SUSD1: variants seen among roughly 807,000 people sequenced by gnomAD.
SUSD1 encodes the protein sushi domain containing 1.
SUSD1 carries 65 observed loss-of-function variants against 86.9 expected under a neutral mutation model. The ratio of observed to expected loss-of-function variants is 0.75; its 90% CI spans 0.61 to 0.92. The LOEUF (loss-of-function observed/expected upper bound fraction) is 0.92, where lower values mean the gene tolerates loss of function less well. Among genes scored for constraint, SUSD1 ranks in the 40% least tolerant of loss-of-function variants. SUSD1 has a pLI of 0.00. For synonymous variants in SUSD1, 346 were observed against 350.0 expected (o/e 0.99, Z 0.13); for missense variants, 850 against 929.7 (o/e 0.91, Z 1.11).
intron 16 of SUSD1, 133 bp from the exon 17 acceptor site, chr9:112,041,625 C>A: frequency 1.4e-6 from 1 of 722,084 alleles, no homozygotes; most frequent in Non-Finnish European, 2.6e-6. Context: ...AGCTCAGCCA[C>A]CCCTCTGTGT....
At chr9:112,061,043 G>T (rs141039731) in intron 13 of SUSD1, among the ~76,000 whole-genome samples, 3 of 152,118 alleles carry the variant, frequency 2.0e-5, no homozygotes, top group African/African-American at 4.8e-5. Context: ...CTACTGAATC[G>T]AAATCTCTAG....
In SUSD1 at chr9:112,175,037, C is replaced by G. The variant is rs1210804459; in HGVS notation, c.103+96G>C. On this transcript the variant is annotated intron_variant, in intron 1 of 16. Coordinates refer to ENST00000374270, the MANE Select transcript of SUSD1 (RefSeq NM_022486.5). This position sits in a 1 kb window ranked among gnomAD's most constrained non-coding sequence, Gnocchi z 4.7. Reference sequence around the variant, plus strand: ...CCCACGCCTCGGCACCGCGCCGGCCCGGCCCAGGGGCGGGGAAGCGTCCGT... The same window carrying G: ...CCCACGCCTCGGCACCGCGCCGGCCGGGCCCAGGGGCGGGGAAGCGTCCGT... 2 of 936,298 alleles carry G rather than the reference C, an allele frequency of 2.1e-6. No individual in the cohort carries two copies. The highest frequency in any genetic ancestry group is 3.6e-5 in the African/African-American group (2 of 56,106). The allele number at this position is 936,298 out of a possible 1,614,324, so 58.0% of individuals were successfully genotyped here.
At chr9:112,174,155 C>T (rs74916377) in intron 1 of SUSD1, among the ~76,000 whole-genome samples, 44 of 152,178 alleles carry the variant, frequency 2.9e-4, no homozygotes, top group Non-Finnish European at 2.9e-4. Context: ...CCTTCTCCCC[C>T]GGGCCTGAAT....
chr9:112,062,948 A>G lies in SUSD1; in HGVS notation c.1839T>C (p.Asn613=), dbSNP rs768460220. 1.2e-6 allele frequency: 2 copies of G among 1,610,516 alleles called. No homozygotes were observed. The highest frequency in any genetic ancestry group is 1.7e-6 in the Non-Finnish European group (2 of 1,177,454). Residue 613 remains asparagine, a synonymous_variant, in exon 13 of 17, where the codon AAT becomes AAC. Coordinates refer to ENST00000374270, the MANE Select transcript of SUSD1 (RefSeq NM_022486.5). ...RLRLRKAKEK[N]GPISSYQVLV... ...GGACAGCTACTGACCTGATTGGTCCATTTTTCTCCTTGGCTTTCCTCAGTC... is the reference window on the plus strand; with the variant it reads ...GGACAGCTACTGACCTGATTGGTCCGTTTTTCTCCTTGGCTTTCCTCAGTC...
At chr9:112,088,821 A>G in intron 10 of SUSD1, among the ~76,000 whole-genome samples, 1 of 151,630 alleles carries the variant, frequency 6.6e-6, no homozygotes, top group Admixed American at 6.6e-5. Flanking sequence ...AAACTGACAA[A>G]CCAGCTGAGT....
At position 112,175,069 on chromosome 9, in the gene SUSD1, A is replaced by T. The variant is rs528027296; in HGVS notation, c.103+64T>A. ...GGGGCGGGGAAGCGTCCGTGCGCCC[A>T]GAGTCCTCGAGGCCCAGCCGGGGGC... On this transcript the variant is annotated intron_variant, in intron 1 of 16. Coordinates refer to ENST00000374270, the MANE Select transcript of SUSD1 (RefSeq NM_022486.5). The surrounding 1 kb of genome is among the most constrained non-coding windows in gnomAD (Gnocchi z 4.7). 2.0e-6 allele frequency: 2 copies of T among 991,430 alleles called. No individual in the cohort carries two copies. Among genetic ancestry groups the T allele is most frequent in the African/African-American group, 3.5e-5 (2 of 56,838 alleles). 61.4% of individuals were successfully genotyped at this position (991,430 alleles called of 1,614,324 possible).
chr9:112,159,492 T>A (rs1053227295), intron 1 of SUSD1, among the ~76,000 whole-genome samples: 5 of 152,198 alleles, frequency 3.3e-5, no homozygotes, highest in Admixed American at 1.3e-4. Context: ...TTCCAAAACT[T>A]ATTGTATCTC....
intron 1 of SUSD1, among the ~76,000 whole-genome samples, chr9:112,158,229 TC>T (rs1022690102): frequency 6.8e-6 from 1 of 146,056 alleles, no homozygotes; most frequent in Non-Finnish European, 1.6e-5. Flanking sequence ...GGCTAACTAC[TC>T]TTTCCCTAAC....
chr9:112,124,318 T>C lies in SUSD1; in HGVS notation c.825A>G (p.Gly275=). ...VCQEGFESPG[G]KITSVCTEKG... is the part of the protein sequence containing the mutation. ...TCTCTGTGCAAACAGAAGTGATCTTTCCTCCAGGGCTCTCAAAGCCCTCTT... is the reference window on the plus strand; with the variant it reads ...TCTCTGTGCAAACAGAAGTGATCTTCCCTCCAGGGCTCTCAAAGCCCTCTT... Residue 275 remains glycine, a synonymous_variant, in exon 6 of 17, where the codon GGA becomes GGG. Transcript: ENST00000374270. 1 of 1,614,092 alleles carries C rather than the reference T, an allele frequency of 6.2e-7. No individual in the cohort carries two copies. The highest frequency in any genetic ancestry group is 1.1e-5 in the South Asian group (1 of 91,064).
chr9:112,087,275 G>T (rs1187699488), intron 10 of SUSD1, among the ~76,000 whole-genome samples: 1 of 152,138 alleles, frequency 6.6e-6, no homozygotes, highest in African/African-American at 2.4e-5. Context: ...GAACCCTGCT[G>T]GGTTCAAGTG....
intron 9 of SUSD1, 40 bp downstream of exon 9, chr9:112,102,136 G>T: frequency 1.6e-6 from 2 of 1,224,848 alleles, no homozygotes; most frequent in Non-Finnish European, 2.3e-6. Context: ...ATTTTTAAAT[G>T]ACACAATTCT....
At chr9:112,131,834 A>G (rs1325121420) in intron 5 of SUSD1, among the ~76,000 whole-genome samples, 1 of 152,220 alleles carries the variant, frequency 6.6e-6, no homozygotes, top group Non-Finnish European at 1.5e-5. Context: ...CATCAGAAAT[A>G]CAGTCAACTA....
chr9:112,052,116 G>C, intron 15 of SUSD1: 1 of 1,365,480 alleles, frequency 7.3e-7, no homozygotes, highest in Non-Finnish European at 9.5e-7. Context: ...CTTAGAAACA[G>C]AGAACTGAAA....
Position 112,042,298 on chromosome 9 carries a change from G to T in SUSD1, c.2150-338C>A, listed in dbSNP as rs1167291612. 36 of 754,424 alleles carry T rather than the reference G, an allele frequency of 4.8e-5. No individual in the cohort carries two copies. In the East Asian group the frequency reaches 9.5e-4, roughly 20 times the overall value. The allele number at this position is 754,424 out of a possible 1,614,324, so 46.7% of individuals were successfully genotyped here. A position where few individuals can be genotyped will look rare whatever the true frequency, so the allele number is the denominator to read the frequency against. Reference sequence around the variant, plus strand: ...CTCTCACAATCAATTACATTTGATAGATTTTTATGGGCCGTTTTCTTTTGC... The same window carrying T: ...CTCTCACAATCAATTACATTTGATATATTTTTATGGGCCGTTTTCTTTTGC... On this transcript the variant is annotated intron_variant, in intron 15 of 16. Coordinates refer to ENST00000374270, the MANE Select transcript of SUSD1 (RefSeq NM_022486.5).
At chr9:112,059,256 G>C (rs1828601593) in intron 13 of SUSD1, among the ~76,000 whole-genome samples, 1 of 152,206 alleles carries the variant, frequency 6.6e-6, no homozygotes. Context: ...CCAAGTTCTG[G>C]CTGCAGAGAG....
At chr9:112,137,486 T>C (rs913986471) in intron 5 of SUSD1, among the ~76,000 whole-genome samples, 14 of 152,166 alleles carry the variant, frequency 9.2e-5, no homozygotes, top group Non-Finnish European at 1.5e-5. Flanking sequence ...CCTATGTAAA[T>C]CCTTAGAGCG....
intron 4 of SUSD1, among the ~76,000 whole-genome samples, chr9:112,143,186 G>A (rs776649431): frequency 1.5e-4 from 22 of 151,128 alleles, no homozygotes; most frequent in African/African-American, 2.2e-4. Context: ...GGGTTTCACC[G>A]TGTTGGCCAG....
chr9:112,156,538 C>G (rs974123682), intron 2 of SUSD1, among the ~76,000 whole-genome samples: 1 of 152,042 alleles, frequency 6.6e-6, no homozygotes, highest in Non-Finnish European at 1.5e-5. Flanking sequence ...TCCCAAATAC[C>G]TGGAAGTACA....
At chr9:112,100,649 T>G (rs1379435315) in intron 9 of SUSD1, among the ~76,000 whole-genome samples, 6 of 151,798 alleles carry the variant, frequency 4.0e-5, no homozygotes, top group Non-Finnish European at 8.8e-5. Flanking sequence ...CTGGCCAACA[T>G]GGCAAAACCC....
Sources: allele counts gnomAD v4.1 joint callset (sites outside exome capture counted in the v4.1 genomes callset), GRCh38; gene constraint gnomAD v4.1.1; non-coding constraint Gnocchi (gnomAD v3.1); transcripts MANE v1.5; gene names NCBI Gene and HGNC (gene_info 2026-07-23, HGNC 2026-07-21).